Variants in COL11A1 observed in about 807,000 individuals in gnomAD.
COL11A1 encodes collagen type XI alpha 1 chain, also known as collagen alpha-1(XI) chain.
Under a neutral mutation model 265.2 loss-of-function variants are expected in COL11A1, and 74 were observed. The observed-to-expected ratio is 0.28, with a 90% CI of 0.23 to 0.34. The LOEUF (loss-of-function observed/expected upper bound fraction) is 0.34, where lower values mean the gene tolerates loss of function less well. COL11A1 is among the 10% of genes least tolerant of loss of function. The pLI, the probability that COL11A1 is intolerant of heterozygous loss-of-function variation, is 1.00. For synonymous variants in COL11A1, 816 were observed against 727.6 expected, an observed-to-expected ratio of 1.12 and a Z score of -1.96; for missense variants, 2,165 against 2,263.6, an observed-to-expected ratio of 0.96 and a Z score of 0.88.
At chr1:102,884,073 C>G (rs1379916793) in intron 63 of COL11A1, among the ~76,000 whole-genome samples, 1 of 152,186 alleles carries the variant, frequency 6.6e-6, no homozygotes, top group Non-Finnish European at 1.5e-5. Context: ...AAGTGATATA[C>G]ATGTAAACAT....
intron 25 of COL11A1, among the ~76,000 whole-genome samples, chr1:102,997,779 A>G (rs1664766802): frequency 6.6e-6 from 1 of 151,968 alleles, no homozygotes. Flanking sequence ...GTTTATTACT[A>G]TTTAAAGGGA....
chr1:102,948,052 T>C (rs981467306), intron 41 of COL11A1, among the ~76,000 whole-genome samples: 2 of 151,964 alleles, frequency 1.3e-5, no homozygotes, highest in East Asian at 3.8e-4. Flanking sequence ...CTACTTTATG[T>C]TTTCTACTAT....
chr1:102,965,084 A>T (rs1233733072), intron 38 of COL11A1, among the ~76,000 whole-genome samples: 1 of 152,194 alleles, frequency 6.6e-6, no homozygotes, highest in Admixed American at 6.6e-5. Context: ...TAGAATGTAT[A>T]TTTCTAAATC....
intron 41 of COL11A1, among the ~76,000 whole-genome samples, chr1:102,950,108 A>T (rs80231982): frequency 0.029 from 4,479 of 152,148 alleles, 246 homozygotes; most frequent in African/African-American, 0.1. Context: ...CCTGGATAAC[A>T]TGGTGAAACC....
At chr1:103,034,467 G>T (rs969757587) in intron 4 of COL11A1, among the ~76,000 whole-genome samples, 1 of 151,680 alleles carries the variant, frequency 6.6e-6, no homozygotes, top group Admixed American at 6.6e-5. Flanking sequence ...CAAATTCTTT[G>T]TTGAACTTCT....
intron 4 of COL11A1, among the ~76,000 whole-genome samples, chr1:103,032,055 T>G (rs2102000348): frequency 6.6e-6 from 1 of 152,260 alleles, no homozygotes; most frequent in East Asian, 1.9e-4. Context: ...ATCTGGACTT[T>G]ATTTCATCAT....
At chr1:103,056,922 A>T (rs1479011051) in intron 4 of COL11A1, among the ~76,000 whole-genome samples, 1 of 152,150 alleles carries the variant, frequency 6.6e-6, no homozygotes, top group Non-Finnish European at 1.5e-5. Flanking sequence ...CCTTCAGCAA[A>T]CTGTAATATT....
intron 4 of COL11A1, among the ~76,000 whole-genome samples, chr1:103,036,575 A>G (rs1358358367): frequency 6.6e-6 from 1 of 151,694 alleles, no homozygotes; most frequent in Non-Finnish European, 1.5e-5. Context: ...TATACTAGAA[A>G]GAAACTGGAA....
intron 36 of COL11A1, among the ~76,000 whole-genome samples, chr1:102,972,029 AC>A: frequency 6.6e-6 from 1 of 152,298 alleles, no homozygotes; most frequent in East Asian, 1.9e-4. Flanking sequence ...GAGGTGACAT[AC>A]AGAAATAAGT....
intron 38 of COL11A1, among the ~76,000 whole-genome samples, chr1:102,964,034 G>A (rs1046750737): frequency 7.2e-5 from 11 of 152,112 alleles, no homozygotes; most frequent in African/African-American, 2.7e-4. Flanking sequence ...AATAAAAAAT[G>A]TAATTCAAGG....
chr1:103,048,197 C>T (rs1056858635), intron 4 of COL11A1, among the ~76,000 whole-genome samples: 1 of 152,126 alleles, frequency 6.6e-6, no homozygotes, highest in Non-Finnish European at 1.5e-5. Context: ...CCTCCTTGTA[C>T]CTCTGGTAGA....
intron 42 of COL11A1, among the ~76,000 whole-genome samples, chr1:102,941,035 G>C (rs926844973): frequency 2.0e-5 from 3 of 151,984 alleles, no homozygotes; most frequent in Non-Finnish European, 4.4e-5. Context: ...TATTTTCTAA[G>C]AGTCAAAATT....
At chr1:103,013,155 CA>C (rs1288736336) in intron 13 of COL11A1, among the ~76,000 whole-genome samples, 2 of 151,830 alleles carry the variant, frequency 1.3e-5, no homozygotes, top group Non-Finnish European at 2.9e-5. Flanking sequence ...TTAGAGAGCT[CA>C]ACAGATGAAC....
chr1:102,921,727 ACAT>A (rs1250718482), intron 47 of COL11A1, among the ~76,000 whole-genome samples, 156 bp from the exon 48 acceptor site: 1 of 152,252 alleles, frequency 6.6e-6, no homozygotes, highest in African/African-American at 2.4e-5. Context: ...CATGGATACA[ACAT>A]CATGTTAGCA....
intron 66 of COL11A1, 98 bp downstream of exon 66, chr1:102,879,585 C>G (rs550204289): frequency 1.0e-6 from 1 of 992,534 alleles, no homozygotes; most frequent in Non-Finnish European, 1.6e-6. Flanking sequence ...TAACAACTGA[C>G]GTCCATTTCA....
At chr1:102,947,225 T>G (rs1659388681) in intron 41 of COL11A1, among the ~76,000 whole-genome samples, 1 of 151,152 alleles carries the variant, frequency 6.6e-6, no homozygotes, top group African/African-American at 2.5e-5. Flanking sequence ...AATATTTATT[T>G]AATGTTATCT....
intron 1 of COL11A1, among the ~76,000 whole-genome samples, chr1:103,093,426 GC>G (rs893691498): frequency 3.6e-4 from 55 of 151,988 alleles, no homozygotes; most frequent in African/African-American, 1.3e-3. Flanking sequence ...ATATGAAACA[GC>G]CCTATTCTGG....
At chr1:103,033,807 CTTTGT>C (rs533514843) in intron 4 of COL11A1, among the ~76,000 whole-genome samples, 2,446 of 151,936 alleles carry the variant, frequency 0.016, 34 homozygotes, top group Non-Finnish European at 0.025. Flanking sequence ...CTTAATTTTT[CTTTGT>C]TTTAAGAGTG....
At chr1:103,031,778 G>T (rs983261306) in intron 4 of COL11A1, among the ~76,000 whole-genome samples, 2 of 151,082 alleles carry the variant, frequency 1.3e-5, no homozygotes, top group African/African-American at 4.9e-5. Flanking sequence ...CTACAAAGAT[G>T]AATGAGAAAT....
Sources: allele counts gnomAD v4.1 joint callset (sites outside exome capture counted in the v4.1 genomes callset), GRCh38; gene constraint gnomAD v4.1.1; transcripts MANE v1.5; gene names NCBI Gene and HGNC (gene_info 2026-07-23, HGNC 2026-07-21).